Variants in EIF2AK1 observed in about 807,000 individuals in gnomAD.
The protein encoded by EIF2AK1 is eukaryotic translation initiation factor 2-alpha kinase 1.
EIF2AK1 carries 54 observed loss-of-function variants against 77.9 expected under a neutral mutation model. The ratio of observed to expected loss-of-function variants is 0.69; its 90% confidence interval spans 0.56 to 0.87. The LOEUF (loss-of-function observed/expected upper bound fraction) is 0.87, where lower values mean the gene tolerates loss of function less well. Ranked by LOEUF, EIF2AK1 falls within the 40% of genes least tolerant of loss-of-function variation. EIF2AK1 has a pLI of 0.00. For missense variants in EIF2AK1, 810 were observed against 768.6 expected (o/e 1.05, Z -0.64); for synonymous variants, 314 against 290.5 (o/e 1.08, Z -0.82).
chr7:6,025,292 A>G (rs905415812), intron 14 of EIF2AK1, among the ~76,000 whole-genome samples: 1 of 152,230 alleles, frequency 6.6e-6, no homozygotes, highest in Non-Finnish European at 1.5e-5. Flanking sequence ...TTCAAGAACC[A>G]CATCTGTGGC....
At chr7:6,026,565 T>C (rs1196757782) in intron 14 of EIF2AK1, 163 bp downstream of exon 14, 1 of 721,006 alleles carries the variant, frequency 1.4e-6, no homozygotes, top group East Asian at 2.7e-5. Context: ...ACCCTGCAGC[T>C]GAGTGCCAGG....
chr7:6,030,224 G>A (rs574768525), intron 11 of EIF2AK1, among the ~76,000 whole-genome samples: 3 of 152,204 alleles, frequency 2.0e-5, no homozygotes, highest in East Asian at 1.9e-4. Flanking sequence ...AAACTTAAGC[G>A]GGAAAGGGAC....
chr7:6,050,171 A>G, intron 2 of EIF2AK1, 126 bp from the exon 3 acceptor site: 7 of 752,296 alleles, frequency 9.3e-6, no homozygotes, highest in South Asian at 2.3e-5. Context: ...GAAAAATACT[A>G]TATTTATAAA....
rs779481899 is a variant in EIF2AK1 at position 6,054,692 on chromosome 7, G to A, written c.131C>T (p.Pro44Leu). 2 of 1,613,040 alleles carry A rather than the reference G, an allele frequency of 1.2e-6. No homozygotes were observed. Among genetic ancestry groups the A allele is most frequent in the South Asian group, 1.1e-5 (1 of 90,886 alleles). The change falls in exon 2 of 15, where the codon CCA (proline) becomes CTA (leucine). Residue 44 changes from proline to leucine, a missense_variant. Coordinates refer to ENST00000199389, the MANE Select transcript of EIF2AK1 (RefSeq NM_014413.4). ...TTCTTTTAACACCTGGATTTCTGCT[G>A]GAACATCAGATTCTAAAAATTAAAA... ...PDPEYDESDV[P>L]AEIQVLKEPL...
At position 6,037,538 on chromosome 7, in the gene EIF2AK1, AAAAT is replaced by A; in HGVS notation, c.1232-18_1232-15del. On this transcript the variant is annotated splice_polypyrimidine_tract_variant and intron_variant, in intron 10 of 14. Coordinates refer to ENST00000199389, the MANE Select transcript of EIF2AK1 (RefSeq NM_014413.4). ...TAACATAAGGACCTTGAAGTAAAAA[AAAAT>A]AGTTTTATTTCTCTAATTTTTTTAC... 6.5e-7 allele frequency: 1 copy of A among 1,541,418 alleles called. No individual in the cohort carries two copies. Among genetic ancestry groups the A allele is most frequent in the Non-Finnish European group, 8.9e-7 (1 of 1,122,092 alleles).
intron 13 of EIF2AK1, among the ~76,000 whole-genome samples, chr7:6,028,292 T>C (rs922695800): frequency 6.6e-6 from 1 of 151,512 alleles, no homozygotes; most frequent in African/African-American, 2.4e-5. Flanking sequence ...GCTCTTGTCA[T>C]CCAGGATGGA....
chr7:6,039,835 G>A lies in EIF2AK1; in HGVS notation c.1119+1057C>T, dbSNP rs1264538102. 2.6e-5 allele frequency among the ~76,000 whole-genome samples: 4 copies of A among 151,882 alleles called. No individual in the cohort carries two copies. The South Asian group carries it at 8.3e-4, about 32-fold the overall frequency. On this transcript the variant is annotated intron_variant, in intron 9 of 14. Transcript: ENST00000199389. The stretch of plus-strand genomic sequence containing the variant: ...GCCTGTAATTCCAGCTACTCGGGAG[G>A]CTGAGGCAGGAGAATCGCTTGAATC...
chr7:6,048,479 G>A (rs1226628185), intron 4 of EIF2AK1, among the ~76,000 whole-genome samples: 1 of 152,188 alleles, frequency 6.6e-6, no homozygotes, highest in Non-Finnish European at 1.5e-5. Context: ...TTCATGGGCT[G>A]ATGAATATTT....
intron 5 of EIF2AK1, 197 bp downstream of exon 5, chr7:6,046,795 G>A (rs1271145231): frequency 8.7e-6 from 4 of 457,776 alleles, no homozygotes; most frequent in African/African-American, 2.0e-5. Flanking sequence ...CCAGCTACTC[G>A]GGAGGCTGAG....
chr7:6,024,223 AATG>A lies in EIF2AK1; in HGVS notation c.*447_*449del, dbSNP rs1198934750. On this transcript the variant is annotated 3_prime_UTR_variant, in exon 15 of 15. Transcript: ENST00000199389. ...CAGAAGGTTTGGAGCCAAGGAATGA[AATG>A]ATGAGGCGTCCTTCAGGTAATGAAC... 1.6e-6 allele frequency: 2 copies of A among 1,227,710 alleles called. No homozygotes were observed. Among genetic ancestry groups the A allele is most frequent in the East Asian group, 5.7e-5 (1 of 17,676 alleles). The allele number at this position is 1,227,710 out of a possible 1,614,324, so 76.1% of individuals were successfully genotyped here.
intron 1 of EIF2AK1, among the ~76,000 whole-genome samples, chr7:6,058,590 T>C (rs1412256292): frequency 6.6e-6 from 1 of 152,204 alleles, no homozygotes; most frequent in Non-Finnish European, 1.5e-5. Flanking sequence ...CTATTCAGCG[T>C]ATAGTTTGCA....
chr7:6,041,772 A>C (rs1371802383), intron 8 of EIF2AK1, among the ~76,000 whole-genome samples: 4 of 151,250 alleles, frequency 2.6e-5, no homozygotes, highest in African/African-American at 9.7e-5. Context: ...ACCCGGGAGG[A>C]AGAGGTTACA....
At chr7:6,037,217 C>A (rs1295834179) in intron 11 of EIF2AK1, among the ~76,000 whole-genome samples, 2 of 149,988 alleles carry the variant, frequency 1.3e-5, no homozygotes, top group Non-Finnish European at 3.0e-5. Flanking sequence ...GGTGACAGAG[C>A]GAAATGCTGT....
intron 6 of EIF2AK1, among the ~76,000 whole-genome samples, chr7:6,045,826 G>A (rs530781669): frequency 1.3e-3 from 196 of 151,002 alleles, no homozygotes; most frequent in Middle Eastern, 3.4e-3. Flanking sequence ...TGAACCCTGC[G>A]GGGCGGAGGC....
At position 6,024,587 on chromosome 7, in the gene EIF2AK1, A is replaced by G; in HGVS notation, c.*86T>C. On this transcript the variant is annotated 3_prime_UTR_variant, in exon 15 of 15. Transcript: ENST00000199389. ...AACAAGTCTTGTAAAGGCTTACTAA[A>G]TACAACGAAGCATTGTACCAACTAT... The G allele has an allele frequency of 6.3e-7, 1 of 1,589,766 alleles. No homozygotes were observed.
chr7:6,044,291 T>C (rs535289386), intron 7 of EIF2AK1, among the ~76,000 whole-genome samples: 30 of 151,472 alleles, frequency 2.0e-4, no homozygotes, highest in South Asian at 1.9e-3. Context: ...GGTGAAACCC[T>C]GTCTCTACTA....
intron 1 of EIF2AK1, 30 bp downstream of exon 1, chr7:6,058,936 G>C: frequency 6.7e-7 from 1 of 1,493,848 alleles, no homozygotes; most frequent in Non-Finnish European, 9.0e-7. Flanking sequence ...AGAGAGAGCA[G>C]AGCGGCGACG....
chr7:6,043,150 C>T (rs931299841), intron 7 of EIF2AK1, among the ~76,000 whole-genome samples, 157 bp from the exon 8 acceptor site: 3 of 152,138 alleles, frequency 2.0e-5, no homozygotes, highest in Admixed American at 6.6e-5. Context: ...TCAAATGGCA[C>T]GTGTTAGGAA....
chr7:6,030,432 C>G (rs1038633785), intron 11 of EIF2AK1, among the ~76,000 whole-genome samples: 1 of 152,194 alleles, frequency 6.6e-6, no homozygotes, highest in Non-Finnish European at 1.5e-5. Context: ...CTCACTTTCA[C>G]TGTTCTTTGT....
Sources: allele counts gnomAD v4.1 joint callset (sites outside exome capture counted in the v4.1 genomes callset), GRCh38; gene constraint gnomAD v4.1.1; transcripts MANE v1.5; gene names NCBI Gene and HGNC (gene_info 2026-07-23, HGNC 2026-07-21).